The following PFKFB4 variants were observed in gnomAD, a reference collection of about 807,000 sequenced individuals.
PFKFB4 encodes 6-phosphofructo-2-kinase/fructose-2,6-biphosphatase 4, also known as 6-phosphofructo-2-kinase/fructose-2,6-bisphosphatase 4.
PFKFB4 carries 42 observed loss-of-function variants against 62.8 expected under a neutral mutation model. The observed-to-expected ratio is 0.67, with a 90% confidence interval of 0.52 to 0.86. The LOEUF (loss-of-function observed/expected upper bound fraction) is 0.86. Among genes scored for constraint, PFKFB4 ranks in the 40% least tolerant of loss-of-function variants. The pLI is 0.00. For missense variants in PFKFB4, 475 were observed against 627.2 expected, an observed-to-expected ratio of 0.76 and a Z score of 2.59; for synonymous variants, 204 against 240.7, an observed-to-expected ratio of 0.85 and a Z score of 1.41.
intron 5 of PFKFB4, 81 bp from the exon 6 acceptor site, chr3:48,539,391 G>T: frequency 8.2e-7 from 1 of 1,217,200 alleles, no homozygotes; most frequent in Non-Finnish European, 1.2e-6. Flanking sequence ...GCTCCTCGGA[G>T]CTCTCCATCC....
chr3:48,540,101 A>C (rs1374407792), intron 4 of PFKFB4, among the ~76,000 whole-genome samples: 2 of 152,210 alleles, frequency 1.3e-5, no homozygotes, highest in Non-Finnish European at 2.9e-5. Flanking sequence ...TGTTTGACCA[A>C]CAGGAATTGC....
chr3:48,542,485 G>A lies in PFKFB4; in HGVS notation c.378+1095C>T, dbSNP rs957989972. 3.3e-5 allele frequency among the ~76,000 whole-genome samples: 5 copies of A among 152,186 alleles called. No individual in the cohort carries two copies. The South Asian group carries it at 6.2e-4, about 19-fold the overall frequency. ...GAGTGAGTTGCCAGAAAGGGGCAGA[G>A]GTGATTTGTCAAAGAAATAATACAT... On this transcript the variant is annotated intron_variant, in intron 4 of 13. Transcript: ENST00000232375.
upstream of PFKFB4, chr3:48,562,816 G>A: frequency 6.4e-7 from 1 of 1,567,362 alleles, no homozygotes; most frequent in East Asian, 2.3e-5. The surrounding 1 kb of genome is among the most constrained non-coding windows in gnomAD (Gnocchi z 4.3). Context: ...CCAGGATGCG[G>A]GCGTTGGTGG....
chr3:48,545,210 C>A (rs374281836), intron 3 of PFKFB4, among the ~76,000 whole-genome samples: 1 of 152,254 alleles, frequency 6.6e-6, no homozygotes, highest in East Asian at 1.9e-4. Flanking sequence ...CAGCTCACTA[C>A]AACCTCCACC....
rs1446941078 is a variant in PFKFB4 at position 48,556,166 on chromosome 3, C to T, written c.97+515G>A. 1.5e-5 allele frequency: 7 copies of T among 457,514 alleles called. No homozygotes were observed. Among genetic ancestry groups the T allele is most frequent in the Non-Finnish European group, 2.2e-5 (5 of 227,634 alleles). The allele number at this position is 457,514 out of a possible 1,614,324, so 28.3% of individuals were successfully genotyped here. A position where few individuals can be genotyped will look rare whatever the true frequency, so the allele number is the denominator to read the frequency against. ...AGCACATCTCTGCTGAAGTTCCTGC[C>T]CAAGCTCAGCTTTAAGGCCAAGAGG... is the stretch of plus-strand genomic sequence containing the variant. On this transcript the variant is annotated intron_variant, in intron 1 of 13. Coordinates refer to ENST00000232375, the MANE Select transcript of PFKFB4 (RefSeq NM_004567.4). The surrounding 1 kb of genome is among the most constrained non-coding windows in gnomAD (Gnocchi z 5.7).
Position 48,523,744 on chromosome 3 carries a change from A to G in PFKFB4, c.1179T>C (p.Ala393=). ...QENVLVICHQ[A]VMRCLLAYFL... is the part of the protein sequence containing the mutation. The stretch of plus-strand genomic sequence containing the variant: ...AGTAGGCCAGCAGGCAGCGCATCAC[A>G]GCCTGGTGGCAGATGACCAGCACAT... The change falls in exon 11 of 14, where the codon GCT becomes GCC. Residue 393 remains alanine, a synonymous_variant. Coordinates refer to ENST00000232375, the MANE Select transcript of PFKFB4 (RefSeq NM_004567.4). 6.2e-7 allele frequency: 1 copy of G among 1,614,178 alleles called. No homozygotes were observed. Among genetic ancestry groups the G allele is most frequent in the Non-Finnish European group, 8.5e-7 (1 of 1,180,032 alleles).
chr3:48,531,609 C>T (rs980493639), intron 9 of PFKFB4, among the ~76,000 whole-genome samples: 7 of 150,976 alleles, frequency 4.6e-5, no homozygotes, highest in African/African-American at 1.2e-4. Context: ...GCATGAGCCA[C>T]CGCACCCGGC....
chr3:48,519,892 T>G (rs555448761), intron 13 of PFKFB4, 86 bp from the exon 14 acceptor site: 1 of 1,073,826 alleles, frequency 9.3e-7, no homozygotes, highest in Non-Finnish European at 1.4e-6. Context: ...CTGTGGTTCA[T>G]CAGGCTTCAC....
upstream of PFKFB4, among the ~76,000 whole-genome samples, chr3:48,560,888 C>T (rs932886197): frequency 1.8e-4 from 27 of 151,566 alleles, no homozygotes; most frequent in Non-Finnish European, 3.2e-4. Flanking sequence ...CCTTGCAGGG[C>T]GACAGTTTTC....
chr3:48,556,958 C>T (rs531330592), upstream of PFKFB4: 22 of 1,396,392 alleles, frequency 1.6e-5, no homozygotes, highest in Non-Finnish European at 1.9e-5. The surrounding 1 kb of genome is among the most constrained non-coding windows in gnomAD (Gnocchi z 5.7). Flanking sequence ...GGGGCCCGGC[C>T]TCCGACCACG....
At chr3:48,538,763 G>GCT in intron 6 of PFKFB4, 144 bp from the exon 7 acceptor site, 4 of 983,818 alleles carry the variant, frequency 4.1e-6, no homozygotes, top group Non-Finnish European at 6.0e-6. Flanking sequence ...CTGAGGTGGG[G>GCT]GCTGGTCCAG....
chr3:48,549,997 G>A (rs756387089), intron 2 of PFKFB4, 37 bp from the exon 3 acceptor site: 1 of 1,524,968 alleles, frequency 6.6e-7, no homozygotes, highest in Non-Finnish European at 9.1e-7. Context: ...CACAGCAACA[G>A]CAACCCCTAC....
Position 48,538,512 on chromosome 3 carries a change from A to T in PFKFB4, c.618T>A (p.Asp206Glu). The T allele has an allele frequency of 6.2e-7, 1 of 1,614,048 alleles. No homozygotes were observed. Among genetic ancestry groups the T allele is most frequent in the Non-Finnish European group, 8.5e-7 (1 of 1,180,022 alleles). The change falls in exon 7 of 14, where the codon GAT (aspartate) becomes GAA (glutamate). Residue 206 changes from aspartate to glutamate, a missense_variant. By Grantham distance (45) the Asp-to-Glu change is conservative. Coordinates refer to ENST00000232375, the MANE Select transcript of PFKFB4 (RefSeq NM_004567.4). ...ECYENSYESL[D>E]EDLDRDLSYI... ...CCCTGACTCACCTATCCAGGTCCTCATCTAGCGACTCGTAGGAGTTCTCAT... is the reference window on the plus strand; with the variant it reads ...CCCTGACTCACCTATCCAGGTCCTCTTCTAGCGACTCGTAGGAGTTCTCAT...
At chr3:48,546,920 G>A (rs980140579) in intron 3 of PFKFB4, among the ~76,000 whole-genome samples, 4 of 152,196 alleles carry the variant, frequency 2.6e-5, no homozygotes, top group East Asian at 1.9e-4. Context: ...AATTAAGTGC[G>A]TCCTGTGTGA....
chr3:48,540,356 C>A (rs896313265), intron 4 of PFKFB4, among the ~76,000 whole-genome samples: 1 of 152,202 alleles, frequency 6.6e-6, no homozygotes, highest in Non-Finnish European at 1.5e-5. Context: ...AGGACCAGAG[C>A]ACTCCAGAGG....
At chr3:48,562,623 A>G, upstream of PFKFB4, 1 of 684,026 alleles carries the variant, frequency 1.5e-6, no homozygotes, top group Non-Finnish European at 2.4e-6. This position sits in a 1 kb window ranked among gnomAD's most constrained non-coding sequence, Gnocchi z 4.3. Context: ...TATGACCTGC[A>G]TGACAGTGGC....
upstream of PFKFB4, among the ~76,000 whole-genome samples, chr3:48,557,937 T>C (rs920880662): frequency 2.5e-4 from 38 of 152,342 alleles, no homozygotes; most frequent in African/African-American, 9.1e-4. Context: ...TTTTTTTTGA[T>C]TTTTAGTATT....
chr3:48,539,281 A>T lies in PFKFB4; in HGVS notation c.483T>A (p.Asp161Glu), dbSNP rs146768602. ...KTFFVESICV[D>E]PEVIAANIVQ... ...CGATGTTGGCAGCTATGACCTCAGG[A>T]TCCACACAGATGGACTCGACAAAAA... Residue 161 changes from aspartate (D) to glutamate (E), a missense_variant, in exon 6 of 14, where the codon GAT (aspartate) becomes GAA (glutamate). By Grantham distance (45) the Asp-to-Glu change is conservative (BLOSUM62 2). Coordinates refer to ENST00000232375, the MANE Select transcript of PFKFB4 (RefSeq NM_004567.4). The T allele has an allele frequency of 4.3e-6, 7 of 1,614,016 alleles. No individual in the cohort carries two copies. The East Asian group carries it at 1.1e-4, about 26-fold the overall frequency.
intron 10 of PFKFB4, among the ~76,000 whole-genome samples, chr3:48,525,282 G>C (rs532552459): frequency 6.6e-6 from 1 of 152,288 alleles, no homozygotes; most frequent in Admixed American, 6.5e-5. Flanking sequence ...CCACCCCTGG[G>C]AAGGGGAAAG....
Sources: allele counts gnomAD v4.1 joint callset (sites outside exome capture counted in the v4.1 genomes callset), GRCh38; gene constraint gnomAD v4.1.1; non-coding constraint Gnocchi (gnomAD v3.1); transcripts MANE v1.5; gene names NCBI Gene and HGNC (gene_info 2026-07-23, HGNC 2026-07-21).